ABLIM1: variants seen among roughly 807,000 people sequenced by gnomAD.
ABLIM1 encodes the protein actin-binding LIM protein 1.
A neutral mutation model predicts 107.0 loss-of-function variants in ABLIM1; 40 were observed. The observed-to-expected ratio is 0.37, with a 90% confidence interval of 0.29 to 0.49. The LOEUF (loss-of-function observed/expected upper bound fraction) is 0.49, where lower values mean the gene tolerates loss of function less well. Ranked by LOEUF, ABLIM1 falls within the 20% of genes least tolerant of loss-of-function variation. ABLIM1 has a pLI of 0.97. For synonymous variants in ABLIM1, 357 were observed against 357.3 expected, an observed-to-expected ratio of 1.00 and a Z score of 0.01; for missense variants, 857 against 1,008.5, an observed-to-expected ratio of 0.85 and a Z score of 2.04.
chr10:114,516,885 T>G (rs1487749115), intron 6 of ABLIM1, among the ~76,000 whole-genome samples: 1 of 152,250 alleles, frequency 6.6e-6, no homozygotes, highest in East Asian at 1.9e-4. Context: ...CATTAGCCTC[T>G]TATTTTGCTG....
At chr10:114,438,835 G>T (rs1315028727) in intron 21 of ABLIM1, among the ~76,000 whole-genome samples, 3 of 152,228 alleles carry the variant, frequency 2.0e-5, no homozygotes, top group African/African-American at 7.2e-5. Flanking sequence ...GGCTTTCAAT[G>T]GTGAAACAGG....
At chr10:114,524,756 A>C (rs948650154) in intron 6 of ABLIM1, among the ~76,000 whole-genome samples, 3 of 152,264 alleles carry the variant, frequency 2.0e-5, no homozygotes, top group African/African-American at 7.2e-5. Flanking sequence ...TACCAATCAT[A>C]GCACTGTATA....
chr10:114,585,996 A>G (rs568483973), intron 2 of ABLIM1, among the ~76,000 whole-genome samples: 1 of 152,198 alleles, frequency 6.6e-6, no homozygotes, highest in African/African-American at 2.4e-5. Flanking sequence ...TTAACCCCCT[A>G]TTTCATGCTA....
chr10:114,735,998 G>C (rs933249265), intron 1 of ABLIM1, among the ~76,000 whole-genome samples: 1 of 152,206 alleles, frequency 6.6e-6, no homozygotes, highest in Non-Finnish European at 1.5e-5. Flanking sequence ...TGAAGGGCCA[G>C]TAGATCTCCC....
chr10:114,672,504 TTC>T (rs1168105476), intron 1 of ABLIM1, among the ~76,000 whole-genome samples: 2 of 152,162 alleles, frequency 1.3e-5, no homozygotes, highest in Middle Eastern at 3.2e-3. Flanking sequence ...GCCTGGCCAG[TTC>T]TTTTTATATA....
chr10:114,454,366 C>A (rs1390361711), intron 12 of ABLIM1, among the ~76,000 whole-genome samples: 1 of 152,192 alleles, frequency 6.6e-6, no homozygotes, highest in Non-Finnish European at 1.5e-5. Flanking sequence ...GACACCAATT[C>A]TTCAAGCTAG....
At chr10:114,631,936 C>A (rs936414832) in intron 1 of ABLIM1, 10 of 1,304,274 alleles carry the variant, frequency 7.7e-6, no homozygotes, top group Non-Finnish European at 9.1e-6. Context: ...GGTCCTCCGA[C>A]GAGCAGGACT....
chr10:114,672,718 G>T (rs2080307462), intron 1 of ABLIM1, among the ~76,000 whole-genome samples: 1 of 152,076 alleles, frequency 6.6e-6, no homozygotes, highest in African/African-American at 2.4e-5. Context: ...TGGTTTTGAA[G>T]GTATTCTATG....
At chr10:114,558,178 A>T (rs1033838956) in intron 4 of ABLIM1, among the ~76,000 whole-genome samples, 2 of 151,960 alleles carry the variant, frequency 1.3e-5, no homozygotes, top group Non-Finnish European at 2.9e-5. Context: ...AAGGTCAAGA[A>T]CCCTTCTCCT....
chr10:114,643,743 A>T (rs1477368135), intron 1 of ABLIM1, among the ~76,000 whole-genome samples: 1 of 151,820 alleles, frequency 6.6e-6, no homozygotes, highest in East Asian at 1.9e-4. Context: ...TATCCAGCTA[A>T]TTTTTAAATT....
At chr10:114,532,711 A>G (rs1431564272) in intron 6 of ABLIM1, among the ~76,000 whole-genome samples, 1 of 152,212 alleles carries the variant, frequency 6.6e-6, no homozygotes, top group Non-Finnish European at 1.5e-5. Context: ...ATTCATGGAG[A>G]GGCCAAGCGT....
chr10:114,560,497 C>T (rs1287601312), intron 4 of ABLIM1, among the ~76,000 whole-genome samples: 1 of 152,194 alleles, frequency 6.6e-6, no homozygotes, highest in Non-Finnish European at 1.5e-5. Flanking sequence ...TATGTTTAGA[C>T]ACACAAACAC....
intron 19 of ABLIM1, 71 bp downstream of exon 19, chr10:114,440,946 T>C (rs1475903865): frequency 7.1e-7 from 1 of 1,407,722 alleles, no homozygotes. Flanking sequence ...ACAGCCAGTA[T>C]ACTTGACTCT....
intron 12 of ABLIM1, among the ~76,000 whole-genome samples, chr10:114,453,788 T>C (rs192355946): frequency 2.0e-5 from 3 of 151,498 alleles, no homozygotes; most frequent in East Asian, 2.0e-4. Flanking sequence ...GGAGGGGAGA[T>C]TGGGAGCGAT....
At chr10:114,453,697 G>A (rs2062279007) in intron 12 of ABLIM1, among the ~76,000 whole-genome samples, 1 of 152,174 alleles carries the variant, frequency 6.6e-6, no homozygotes, top group Non-Finnish European at 1.5e-5. Context: ...GGTGGAGCTG[G>A]GTTAGAAGCA....
At chr10:114,788,333 AT>A in the ABLIM1 span, among the ~76,000 whole-genome samples, 25 of 133,738 alleles carry the variant, frequency 1.9e-4, no homozygotes, top group Middle Eastern at 3.7e-3. Context: ...CAATAAAAAA[AT>A]AAAAAAAAAA....
At chr10:114,604,615 T>C (rs187861791) in intron 1 of ABLIM1, among the ~76,000 whole-genome samples, 2 of 152,356 alleles carry the variant, frequency 1.3e-5, no homozygotes, top group East Asian at 1.9e-4. Context: ...TTCTTACGCA[T>C]ACTCCAATTT....
intron 1 of ABLIM1, among the ~76,000 whole-genome samples, chr10:114,655,004 T>C (rs769695424): frequency 9.9e-5 from 15 of 152,164 alleles, no homozygotes; most frequent in Non-Finnish European, 1.9e-4. Flanking sequence ...GTGACTCAAA[T>C]TGTTTATATA....
chr10:114,717,877 A>G (rs1355155886), intron 1 of ABLIM1, among the ~76,000 whole-genome samples: 1 of 142,230 alleles, frequency 7.0e-6, no homozygotes, highest in Non-Finnish European at 1.5e-5. Context: ...GCATCATGGC[A>G]CTCCAGCCTG....
Sources: gnomAD v4.1 joint callset for allele counts (sites outside exome capture counted in the v4.1 genomes callset) on GRCh38, gnomAD v4.1.1 for gene constraint, MANE v1.5 for transcripts, NCBI Gene and HGNC (gene_info 2026-07-23, HGNC 2026-07-21) for gene names.